VPS13D: variants seen among roughly 807,000 people sequenced by gnomAD.
VPS13D encodes vacuolar protein sorting 13 homolog D.
In VPS13D, 187 loss-of-function variants were observed where a neutral mutation model predicts 461.9. The ratio of observed to expected loss-of-function variants is 0.40; its 90% CI spans 0.36 to 0.46. The LOEUF (loss-of-function observed/expected upper bound fraction) is 0.46, where lower values mean the gene tolerates loss of function less well. VPS13D is among the 20% of genes least tolerant of loss of function. VPS13D has a pLI of 0.60. For missense variants in VPS13D, 4,711 were observed against 5,364.9 expected, an observed-to-expected ratio of 0.88 and a Z score of 3.81; for synonymous variants, 1,951 against 1,986.3, an observed-to-expected ratio of 0.98 and a Z score of 0.47.
At chr1:12,261,570 C>G (rs1338222651) in intron 12 of VPS13D, among the ~76,000 whole-genome samples, 1 of 152,242 alleles carries the variant, frequency 6.6e-6, no homozygotes, top group East Asian at 1.9e-4. Flanking sequence ...GCTCCCAGTG[C>G]TCAGTAGCCA....
chr1:12,438,295 A>T lies in VPS13D; in HGVS notation c.12334-17703A>T, dbSNP rs189787419. 4.6e-5 allele frequency among the ~76,000 whole-genome samples: 7 copies of T among 152,312 alleles called. No individual in the cohort carries two copies. The East Asian group carries it at 7.7e-4, about 17-fold the overall frequency. ...CTTATCAAAGAGACCCCAGAGAGCT[A>T]GCCCACCCTTCTACCGTGTGAGGTT... On this transcript the variant is annotated intron_variant, in intron 65 of 69. Coordinates refer to ENST00000620676, the MANE Select transcript of VPS13D (RefSeq NM_015378.4).
rs1199763234 is a variant in VPS13D, at chr1:12,318,148, T to A, written c.7225T>A (p.Leu2409Ile). The change falls in exon 31 of 70, where the codon TTA becomes ATA. Residue 2409 changes from leucine (L) to isoleucine (I), a missense_variant. Physicochemically the swap from Leu to Ile is conservative, Grantham distance 5. Transcript: ENST00000620676. ...RVFLIFDWLL[L>I]VHDFLHTPSD... is the part of the protein sequence containing the mutation. ...GTTTCTCATATTTGACTGGCTACTGTTAGTCCATGATTTTCTCCACACTCC... is the reference window on the plus strand; with the variant it reads ...GTTTCTCATATTTGACTGGCTACTGATAGTCCATGATTTTCTCCACACTCC... 7 of 1,614,042 alleles carry A rather than the reference T, an allele frequency of 4.3e-6. No individual in the cohort carries two copies. Among genetic ancestry groups the A allele is most frequent in the Non-Finnish European group, 5.1e-6 (6 of 1,180,004 alleles).
chr1:12,232,931 G>C (rs1416214121), intron 1 of VPS13D, among the ~76,000 whole-genome samples: 1 of 151,584 alleles, frequency 6.6e-6, no homozygotes, highest in Non-Finnish European at 1.5e-5. Flanking sequence ...AATTTGGGCG[G>C]CCTAAATGAG....
At chr1:12,343,108 C>A (rs1313310822) in intron 42 of VPS13D, 57 bp downstream of exon 42, 1 of 1,467,968 alleles carries the variant, frequency 6.8e-7, no homozygotes, top group Non-Finnish European at 9.2e-7. Flanking sequence ...AAGTGAGGGT[C>A]CCTAGTGTTT....
At chr1:12,456,208 A>G in intron 66 of VPS13D, 78 bp downstream of exon 66, 10 of 1,514,130 alleles carry the variant, frequency 6.6e-6, no homozygotes, top group Non-Finnish European at 8.8e-6. Flanking sequence ...TGCAGCTATA[A>G]AAAAAGAAAG....
rs76426359 is a variant in VPS13D, at chr1:12,417,427, G to A, written c.12333+600G>A. Among the ~76,000 whole-genome samples the A allele has an allele frequency of 3.5e-3, 540 of 152,286 alleles. 3 individuals are homozygous for A. The highest frequency in any genetic ancestry group is 0.013 in the African/African-American group (520 of 41,564). On this transcript the variant is annotated intron_variant, in intron 65 of 69. Transcript: ENST00000620676. Reference sequence around the variant, plus strand: ...TATGCGAAGCTGGAAAAGGTGAAGCGAGTTGAAGGTAGTTGCTATTTGACA... The same window carrying A: ...TATGCGAAGCTGGAAAAGGTGAAGCAAGTTGAAGGTAGTTGCTATTTGACA...
At chr1:12,500,110 C>CA in intron 68 of VPS13D, 3 of 985,400 alleles carry the variant, frequency 3.0e-6, no homozygotes, top group Non-Finnish European at 3.6e-6. Context: ...GTGAAAACCC[C>CA]ACGAAGTCCC....
intron 30 of VPS13D, among the ~76,000 whole-genome samples, chr1:12,314,784 T>G (rs1642845611): frequency 6.6e-6 from 1 of 152,242 alleles, no homozygotes; most frequent in African/African-American, 2.4e-5. Context: ...GGTTATATTT[T>G]TCTTTCTGGT....
At chr1:12,268,505 A>C (rs969780533) in intron 15 of VPS13D, among the ~76,000 whole-genome samples, 1 of 152,054 alleles carries the variant, frequency 6.6e-6, no homozygotes, top group Non-Finnish European at 1.5e-5. Flanking sequence ...GAGCTAATAC[A>C]ACAGGCCAGT....
intron 26 of VPS13D, among the ~76,000 whole-genome samples, 161 bp from the exon 27 acceptor site, chr1:12,308,270 C>A (rs1642625602): frequency 6.6e-6 from 1 of 152,118 alleles, no homozygotes; most frequent in Admixed American, 6.5e-5. Context: ...ATAGTGGAGA[C>A]TCCTGGACAG....
rs1249535793 is a variant in VPS13D, at chr1:12,319,578, A to G, written c.7496A>G (p.Tyr2499Cys). Residue 2499 changes from tyrosine (Y) to cysteine (C), a missense_variant, in exon 32 of 70, where the codon TAT becomes TGT. Physicochemically the swap from Tyr to Cys is radical, Grantham distance 194. Transcript: ENST00000620676. The part of the protein sequence containing the change: ...IILKGTTVLT[Y>C]KPRFVDRPFS... ...CTGAAAGGCACCACAGTGCTCACCT[A>G]TAAGCCCCGGTTTGTTGATCGCCCC... 2 of 1,614,206 alleles carry G rather than the reference A, an allele frequency of 1.2e-6. No individual in the cohort carries two copies. Among genetic ancestry groups the G allele is most frequent in the Non-Finnish European group, 1.7e-6 (2 of 1,180,022 alleles).
intron 52 of VPS13D, among the ~76,000 whole-genome samples, chr1:12,364,311 G>A (rs1321659735): frequency 1.3e-5 from 2 of 151,998 alleles, no homozygotes; most frequent in African/African-American, 4.8e-5. Context: ...TAATCATACG[G>A]TATTTGTCTT....
intron 21 of VPS13D, among the ~76,000 whole-genome samples, chr1:12,286,619 A>G (rs1222517224): frequency 2.0e-5 from 3 of 152,166 alleles, no homozygotes; most frequent in Admixed American, 1.3e-4. Context: ...TGTTAGCTCT[A>G]GAGACCCCAT....
intron 42 of VPS13D, 47 bp downstream of exon 42, chr1:12,343,098 A>G (rs1462566700): frequency 5.2e-6 from 8 of 1,538,406 alleles, no homozygotes; most frequent in Non-Finnish European, 7.1e-6. Context: ...AAGTGGATGT[A>G]AGTGAGGGTC....
rs540522441 is a variant in VPS13D at position 12,361,743 on chromosome 1, A to G, written c.10142-977A>G. Among the ~76,000 whole-genome samples the G allele has an allele frequency of 4.7e-3, 711 of 152,204 alleles. 3 individuals are homozygous for G. Among genetic ancestry groups the G allele is most frequent in the Non-Finnish European group, 7.1e-3 (484 of 67,990 alleles). On this transcript the variant is annotated intron_variant, in intron 50 of 69. Coordinates refer to ENST00000620676, the MANE Select transcript of VPS13D (RefSeq NM_015378.4). ...GTTATCAGAGTTTTTAAGATATTTC[A>G]GTGCTTTTCTATATTTGGAACCGGC...
chr1:12,369,827 C>A (rs1204624044), intron 54 of VPS13D, 125 bp downstream of exon 54: 4 of 889,710 alleles, frequency 4.5e-6, no homozygotes, highest in Non-Finnish European at 6.7e-6. Context: ...CTTTACCAAA[C>A]CCTGGGCTCA....
chr1:12,317,945 T>C, intron 30 of VPS13D, 127 bp from the exon 31 acceptor site: 2 of 864,670 alleles, frequency 2.3e-6, no homozygotes, highest in Admixed American at 4.9e-5. Flanking sequence ...AGTTTACTGA[T>C]ACTCAAAGCA....
chr1:12,348,473 A>G (rs1643724314), intron 44 of VPS13D, among the ~76,000 whole-genome samples: 1 of 152,200 alleles, frequency 6.6e-6, no homozygotes, highest in Non-Finnish European at 1.5e-5. Context: ...TTTCTTACCA[A>G]ATTACAGGAA....
intron 32 of VPS13D, among the ~76,000 whole-genome samples, chr1:12,320,292 G>T (rs76643353): frequency 0.021 from 3,127 of 152,268 alleles, 57 homozygotes; most frequent in African/African-American, 0.037. Flanking sequence ...TAAGCCATGG[G>T]GTGTGGAGAC....
Sources: gnomAD v4.1 joint callset for allele counts (sites outside exome capture counted in the v4.1 genomes callset) on GRCh38, gnomAD v4.1.1 for gene constraint, MANE v1.5 for transcripts, NCBI Gene and HGNC (gene_info 2026-07-23, HGNC 2026-07-21) for gene names.